RAD51B: variants seen among roughly 807,000 people sequenced by gnomAD.
RAD51B encodes RAD51 paralog B.
In RAD51B, 38 loss-of-function variants were observed where a neutral mutation model predicts 42.2. That is an observed-to-expected ratio of 0.90 (90% confidence interval 0.70 to 1.18). The LOEUF (loss-of-function observed/expected upper bound fraction) is 1.18. RAD51B is among the 50% of genes most tolerant of loss of function. The probability of loss-of-function intolerance (pLI) is 0.00; values close to 1 mark genes in which losing one functional copy is unlikely to be tolerated. For missense variants in RAD51B, 373 were observed against 400.7 expected (o/e 0.93, Z 0.59); for synonymous variants, 154 against 145.2 (o/e 1.06, Z -0.43).
intron 7 of RAD51B, among the ~76,000 whole-genome samples, chr14:68,113,536 C>T (rs1399201990): frequency 6.6e-6 from 1 of 152,136 alleles, no homozygotes; most frequent in Admixed American, 6.6e-5. Context: ...GGAATGAGTT[C>T]TCACAGTACG....
chr14:68,339,012 G>A, intron 8 of RAD51B: 2 of 653,948 alleles, frequency 3.1e-6, no homozygotes, highest in East Asian at 3.1e-5. Flanking sequence ...ACAACATGGG[G>A]CAGGCAGGCA....
At chr14:68,182,588 T>C (rs1365417078) in intron 7 of RAD51B, among the ~76,000 whole-genome samples, 1 of 152,268 alleles carries the variant, frequency 6.6e-6, no homozygotes, top group Admixed American at 6.5e-5. Flanking sequence ...TGTGTGTGTG[T>C]GTGCATGCAT....
chr14:68,518,554 G>GCCCCCCCCCCCGCC (rs11341781), intron 10 of RAD51B, among the ~76,000 whole-genome samples: 1 of 137,360 alleles, frequency 7.3e-6, no homozygotes, highest in Non-Finnish European at 1.6e-5. Context: ...GGTCATATGA[G>GCCCCCCCCCCCGCC]CCCCCCCCCC....
At position 67,825,503 on chromosome 14, in the gene RAD51B, A is replaced by G. The variant is rs1042009398; in HGVS notation, c.124A>G (p.Thr42Ala). 1 of 1,613,740 alleles carries G rather than the reference A, an allele frequency of 6.2e-7. No homozygotes were observed. Among genetic ancestry groups the G allele is most frequent in the South Asian group, 1.1e-5 (1 of 91,028 alleles). Residue 42 changes from threonine (T) to alanine (A), a missense_variant, in exon 3 of 11, where the codon ACT becomes GCT. Transcript: ENST00000471583. The stretch of plus-strand genomic sequence containing the variant: ...TTCCCCACTGGAGCTTATGAAGGTG[A>G]CTGGTCTGAGTTATCGAGGTGTCCA... ...CLSPLELMKV[T>A]GLSYRGVHEL...
At chr14:68,569,308 CCT>C (rs1462013125) in intron 10 of RAD51B, among the ~76,000 whole-genome samples, 1 of 152,158 alleles carries the variant, frequency 6.6e-6, no homozygotes, top group East Asian at 1.9e-4. Context: ...GGAGTAAAGG[CCT>C]CTCTCTCCCT....
chr14:68,531,210 TAAGA>T (rs1409029800), intron 10 of RAD51B, among the ~76,000 whole-genome samples: 3 of 146,068 alleles, frequency 2.1e-5, no homozygotes, highest in African/African-American at 7.6e-5. Flanking sequence ...TAAGAGAAGA[TAAGA>T]AAGAAAGAAA....
At chr14:68,541,062 G>A in intron 10 of RAD51B, 2 of 985,286 alleles carry the variant, frequency 2.0e-6, no homozygotes, top group South Asian at 9.4e-5. Flanking sequence ...AAAGAAGAGG[G>A]TATGCCCTCA....
At chr14:68,563,173 C>T (rs1276200971) in intron 10 of RAD51B, 1 of 985,328 alleles carries the variant, frequency 1.0e-6, no homozygotes, top group African/African-American at 1.7e-5. Context: ...TTCCCTCAGC[C>T]TCAGGTCTGC....
chr14:68,200,021 CCTTTTTGCTTTTT>C (rs908353246), intron 7 of RAD51B, among the ~76,000 whole-genome samples: 47 of 152,256 alleles, frequency 3.1e-4, no homozygotes, highest in African/African-American at 9.6e-4. Flanking sequence ...GGCTCCTTTT[CCTTTTTGCTTTTT>C]CTTTTTTTCA....
At chr14:67,887,496 G>T in intron 7 of RAD51B, 1 of 231,080 alleles carries the variant, frequency 4.3e-6, no homozygotes, top group Non-Finnish European at 8.5e-6. Context: ...TACTCTTTGT[G>T]TGTGCTTTGT....
chr14:68,357,191 A>G (rs1290316644), intron 8 of RAD51B, among the ~76,000 whole-genome samples: 2 of 152,200 alleles, frequency 1.3e-5, no homozygotes, highest in Non-Finnish European at 2.9e-5. Context: ...TGTCATTTCA[A>G]CATTGTTCAT....
At chr14:67,945,619 C>T (rs1297783122) in intron 7 of RAD51B, among the ~76,000 whole-genome samples, 12 of 151,894 alleles carry the variant, frequency 7.9e-5, no homozygotes, top group African/African-American at 2.4e-4. Context: ...TACAGGCACA[C>T]GCCACCACGC....
At chr14:68,638,106 G>A (rs1309499915) in intron 10 of RAD51B, among the ~76,000 whole-genome samples, 1 of 152,204 alleles carries the variant, frequency 6.6e-6, no homozygotes, top group South Asian at 2.1e-4. Flanking sequence ...GAAGGCCAGT[G>A]AAGGAAGGCC....
chr14:68,210,411 A>G (rs1192803902), intron 7 of RAD51B, among the ~76,000 whole-genome samples: 4 of 152,222 alleles, frequency 2.6e-5, no homozygotes. Context: ...CTGGAGCCAA[A>G]TAGATAGGAC....
At chr14:67,972,207 A>G (rs1175161391) in intron 7 of RAD51B, among the ~76,000 whole-genome samples, 1 of 151,984 alleles carries the variant, frequency 6.6e-6, no homozygotes, top group Non-Finnish European at 1.5e-5. Context: ...GGCAGAAGAC[A>G]GATGAGTAGC....
At chr14:68,134,813 G>A (rs529587355) in intron 7 of RAD51B, among the ~76,000 whole-genome samples, 5 of 150,348 alleles carry the variant, frequency 3.3e-5, no homozygotes, top group Non-Finnish European at 4.4e-5. Context: ...AATCCTCTTC[G>A]CATTCTAGAT....
chr14:68,546,256 G>A (rs1423679573), intron 10 of RAD51B, among the ~76,000 whole-genome samples: 1 of 152,190 alleles, frequency 6.6e-6, no homozygotes, highest in Non-Finnish European at 1.5e-5. Flanking sequence ...CCTAATCCGG[G>A]GCTATGGTGG....
At chr14:68,058,285 C>T (rs2076511829) in intron 7 of RAD51B, among the ~76,000 whole-genome samples, 1 of 152,132 alleles carries the variant, frequency 6.6e-6, no homozygotes, top group Admixed American at 6.5e-5. Context: ...ATACCTTTGA[C>T]CCTTTTTGGC....
At chr14:68,331,954 T>C (rs2082360427) in intron 8 of RAD51B, among the ~76,000 whole-genome samples, 1 of 152,174 alleles carries the variant, frequency 6.6e-6, no homozygotes. Context: ...CCCATTCATA[T>C]GCATTTTCCA....
Sources: allele counts gnomAD v4.1 joint callset (sites outside exome capture counted in the v4.1 genomes callset), GRCh38; gene constraint gnomAD v4.1.1; transcripts MANE v1.5; gene names NCBI Gene and HGNC (gene_info 2026-07-23, HGNC 2026-07-21).